Variants in HS6ST2 observed in about 807,000 individuals in gnomAD.
HS6ST2 encodes the protein heparan-sulfate 6-O-sulfotransferase 2.
HS6ST2 carries 17 observed loss-of-function variants against 33.0 expected under a neutral mutation model. That is an observed-to-expected ratio of 0.52 (90% CI 0.35 to 0.77). The LOEUF (loss-of-function observed/expected upper bound fraction) is 0.77, where lower values mean the gene tolerates loss of function less well. Ranked by LOEUF, HS6ST2 falls within the 30% of genes least tolerant of loss-of-function variation. The probability of loss-of-function intolerance (pLI) is 0.01; values close to 1 mark genes in which losing one functional copy is unlikely to be tolerated. For synonymous variants in HS6ST2, 248 were observed against 237.1 expected, an observed-to-expected ratio of 1.05 and a Z score of -0.42; for missense variants, 519 against 551.7, an observed-to-expected ratio of 0.94 and a Z score of 0.59.
chrX:132,783,445 G>A (rs1453773065), intron 2 of HS6ST2, among the ~76,000 whole-genome samples: 2 of 111,321 alleles, frequency 1.8e-5, no homozygotes, highest in Non-Finnish European at 3.8e-5. Context: ...GCCCAGGCAC[G>A]TGCAGTCTCT....
intron 2 of HS6ST2, among the ~76,000 whole-genome samples, chrX:132,719,940 G>A (rs2064313515): frequency 8.9e-6 from 1 of 112,368 alleles, no homozygotes; most frequent in South Asian, 3.7e-4. Flanking sequence ...ACCACCTAAG[G>A]TTGCTGGGGC....
chrX:132,858,973 G>A (rs1602758340), intron 2 of HS6ST2, among the ~76,000 whole-genome samples: 2 of 112,285 alleles, frequency 1.8e-5, no homozygotes, highest in South Asian at 7.5e-4. Flanking sequence ...CATTTTCTCG[G>A]CCAGGTGTCT....
intron 3 of HS6ST2, among the ~76,000 whole-genome samples, chrX:132,679,864 C>A (rs768169647): frequency 5.5e-5 from 6 of 109,423 alleles, no homozygotes; most frequent in Non-Finnish European, 9.5e-5. Flanking sequence ...TTTTGAAAGA[C>A]GAGAAATATG....
intron 4 of HS6ST2, among the ~76,000 whole-genome samples, chrX:132,645,414 A>G (rs920681969): frequency 8.9e-6 from 1 of 112,781 alleles, no homozygotes; most frequent in Non-Finnish European, 1.9e-5. Context: ...GGAATTTAAA[A>G]TGAGGTCTTT....
chrX:132,859,179 A>T (rs148215327), intron 2 of HS6ST2, among the ~76,000 whole-genome samples: 1 of 111,835 alleles, frequency 8.9e-6, no homozygotes, highest in Non-Finnish European at 1.9e-5. Context: ...AAACACTTAG[A>T]CTGCTTTTGT....
At chrX:132,691,692 C>G (rs1031246987) in intron 3 of HS6ST2, among the ~76,000 whole-genome samples, 1 of 112,280 alleles carries the variant, frequency 8.9e-6, no homozygotes, top group Non-Finnish European at 1.9e-5. Flanking sequence ...CTACTTCTAA[C>G]ACATCATTGA....
intron 2 of HS6ST2, among the ~76,000 whole-genome samples, chrX:132,756,029 C>T (rs2064754028): frequency 9.0e-6 from 1 of 111,478 alleles, no homozygotes; most frequent in Non-Finnish European, 1.9e-5. Flanking sequence ...CGTATTAAAG[C>T]CATAGAATTC....
chrX:132,833,574 G>T (rs1438756882), intron 2 of HS6ST2, among the ~76,000 whole-genome samples: 1 of 110,857 alleles, frequency 9.0e-6, no homozygotes, highest in Non-Finnish European at 1.9e-5. Context: ...ATGCCCTCAG[G>T]CTGCAGCCAG....
At chrX:132,730,785 C>A (rs1008942407) in intron 2 of HS6ST2, among the ~76,000 whole-genome samples, 5 of 112,266 alleles carry the variant, frequency 4.5e-5, no homozygotes, top group African/African-American at 6.5e-5. Flanking sequence ...ACACACAGTT[C>A]CTGAAAAGGC....
At chrX:132,695,747 A>T (rs2148234561) in intron 3 of HS6ST2, among the ~76,000 whole-genome samples, 1 of 112,148 alleles carries the variant, frequency 8.9e-6, no homozygotes, top group South Asian at 3.8e-4. Flanking sequence ...AGTACTAATT[A>T]TTCTCTTCAT....
intron 2 of HS6ST2, among the ~76,000 whole-genome samples, chrX:132,846,857 G>A (rs968517854): frequency 9.1e-6 from 1 of 109,490 alleles, no homozygotes; most frequent in Non-Finnish European, 1.9e-5. Flanking sequence ...AGGAAGTCTG[G>A]GAGTACCAAA....
chrX:132,727,479 T>C (rs1376495998), intron 2 of HS6ST2, among the ~76,000 whole-genome samples: 2 of 110,618 alleles, frequency 1.8e-5, no homozygotes, highest in African/African-American at 3.3e-5. Context: ...CTATTGAGTG[T>C]CTACGAGTTA....
At chrX:132,823,853 A>AATAATAATAATAATAAT in intron 2 of HS6ST2, among the ~76,000 whole-genome samples, 1 of 92,542 alleles carries the variant, frequency 1.1e-5, no homozygotes, top group African/African-American at 4.0e-5. Context: ...ACTTCATAAA[A>AATAATAATAATAATAAT]AATAATAATA....
At chrX:132,709,457 T>C (rs1489904613) in intron 2 of HS6ST2, among the ~76,000 whole-genome samples, 1 of 111,566 alleles carries the variant, frequency 9.0e-6, no homozygotes, top group African/African-American at 3.3e-5. Flanking sequence ...CTTTGAATCA[T>C]CATTTGAGAA....
At chrX:132,782,055 G>A (rs1264309220) in intron 2 of HS6ST2, among the ~76,000 whole-genome samples, 1 of 111,738 alleles carries the variant, frequency 8.9e-6, no homozygotes, top group Non-Finnish European at 1.9e-5. Context: ...GAGTGTTTGG[G>A]AGGAGGGGTG....
intron 2 of HS6ST2, among the ~76,000 whole-genome samples, chrX:132,827,617 C>T (rs754362608): frequency 2.1e-4 from 23 of 111,386 alleles, no homozygotes; most frequent in Non-Finnish European, 3.8e-4. Context: ...AGATCAACCT[C>T]ATAAACTTAT....
intron 3 of HS6ST2, among the ~76,000 whole-genome samples, chrX:132,693,111 A>G (rs1283048375): frequency 7.1e-5 from 8 of 112,178 alleles, no homozygotes; most frequent in African/African-American, 2.3e-4. Flanking sequence ...TCCCTCCCAC[A>G]TAGGTAAATG....
chrX:132,915,649 A>C (rs1195540328), intron 2 of HS6ST2, among the ~76,000 whole-genome samples: 1 of 111,314 alleles, frequency 9.0e-6, no homozygotes, highest in Non-Finnish European at 1.9e-5. Flanking sequence ...GCTGTGGTAA[A>C]GATGTAAGGA....
chrX:132,940,207 A>G (rs2066872551), intron 2 of HS6ST2, among the ~76,000 whole-genome samples: 1 of 112,239 alleles, frequency 8.9e-6, no homozygotes, highest in Admixed American at 9.5e-5. Context: ...GTCTTCAACA[A>G]AGGATTCTGG....
Sources: gnomAD v4.1 joint callset for allele counts (sites outside exome capture counted in the v4.1 genomes callset) on GRCh38, gnomAD v4.1.1 for gene constraint, MANE v1.5 for transcripts, NCBI Gene and HGNC (gene_info 2026-07-23, HGNC 2026-07-21) for gene names.